The following ZBTB45 variants were observed in gnomAD, a reference collection of about 807,000 sequenced individuals.
ZBTB45 encodes zinc finger and BTB domain containing 45, also known as zinc finger and BTB domain-containing protein 45.
In ZBTB45, 22 loss-of-function variants were observed where a neutral mutation model predicts 28.4. That is an observed-to-expected ratio of 0.77 (90% CI 0.55 to 1.10). ZBTB45 has a LOEUF of 1.10. Among genes scored for constraint, ZBTB45 ranks in the 50% least tolerant of loss-of-function variants. The probability of loss-of-function intolerance (pLI) is 0.00; values close to 1 mark genes in which losing one functional copy is unlikely to be tolerated. For synonymous variants in ZBTB45, 361 were observed against 332.3 expected, an observed-to-expected ratio of 1.09 and a Z score of -0.94; for missense variants, 656 against 750.2, an observed-to-expected ratio of 0.87 and a Z score of 1.47.
chr19:58,520,781 C>T (rs2053570326), upstream of ZBTB45, among the ~76,000 whole-genome samples: 1 of 152,116 alleles, frequency 6.6e-6, no homozygotes, highest in Admixed American at 6.5e-5. Flanking sequence ...CATGGCCCGG[C>T]GCAGTGGCTC....
intron 1 of ZBTB45, among the ~76,000 whole-genome samples, chr19:58,536,964 G>A (rs768076032): frequency 7.9e-5 from 12 of 152,160 alleles, no homozygotes; most frequent in Non-Finnish European, 1.3e-4. Context: ...TGTTGGCAAG[G>A]AGCATGGAGG....
upstream of ZBTB45, among the ~76,000 whole-genome samples, chr19:58,521,213 A>G (rs184987534): frequency 5.9e-3 from 782 of 132,772 alleles, 12 homozygotes; most frequent in African/African-American, 0.021. Flanking sequence ...AAATACAAAA[A>G]AAAATTAGCC....
chr19:58,529,552 T>C (rs2053625663), intron 1 of ZBTB45, among the ~76,000 whole-genome samples: 1 of 152,204 alleles, frequency 6.6e-6, no homozygotes, highest in Admixed American at 6.5e-5. Flanking sequence ...TTCTCCCCTC[T>C]CCTCAGTCCC....
At chr19:58,528,943 G>T (rs1190361209) in intron 1 of ZBTB45, among the ~76,000 whole-genome samples, 2 of 151,762 alleles carry the variant, frequency 1.3e-5, no homozygotes, top group African/African-American at 4.8e-5. Flanking sequence ...AATTAGCCAG[G>T]TGTGGTGGCG....
chr19:58,519,936 C>T (rs1486243276), upstream of ZBTB45: 1 of 152,310 alleles, frequency 6.6e-6, no homozygotes, highest in Non-Finnish European at 1.5e-5. Flanking sequence ...TCCGGCTCTC[C>T]TCTTAGTCGG....
intron 1 of ZBTB45, among the ~76,000 whole-genome samples, chr19:58,529,084 C>CAAAAAAAAA (rs1231496438): frequency 1.5e-4 from 9 of 61,444 alleles, no homozygotes; most frequent in Non-Finnish European, 2.0e-4. Context: ...AACTCCATCT[C>CAAAAAAAAA]AAAAAAAAAA....
intron 1 of ZBTB45, among the ~76,000 whole-genome samples, chr19:58,532,002 TG>T (rs1415417838): frequency 6.6e-6 from 1 of 152,112 alleles, no homozygotes; most frequent in African/African-American, 2.4e-5. Flanking sequence ...GATGAGACTC[TG>T]GGCTCTGAGT....
chr19:58,529,084 C>CAA (rs1231496438), intron 1 of ZBTB45, among the ~76,000 whole-genome samples: 2 of 61,408 alleles, frequency 3.3e-5, no homozygotes, highest in South Asian at 5.5e-4. Flanking sequence ...AACTCCATCT[C>CAA]AAAAAAAAAA....
At chr19:58,533,409 G>A (rs918922824) in intron 1 of ZBTB45, among the ~76,000 whole-genome samples, 1 of 152,168 alleles carries the variant, frequency 6.6e-6, no homozygotes, top group Non-Finnish European at 1.5e-5. Context: ...ATGCATAGAA[G>A]ACAAGGCAAT....
At chr19:58,532,734 G>T (rs1476190172) in intron 1 of ZBTB45, among the ~76,000 whole-genome samples, 1 of 151,990 alleles carries the variant, frequency 6.6e-6, no homozygotes, top group Non-Finnish European at 1.5e-5. Flanking sequence ...TTTTACTAGA[G>T]ACAAGGTTTC....
At chr19:58,524,637 A>G (rs2122583803), upstream of ZBTB45, among the ~76,000 whole-genome samples, 1 of 152,130 alleles carries the variant, frequency 6.6e-6, no homozygotes, top group Non-Finnish European at 1.5e-5. Context: ...TAATCCCAGC[A>G]CTTTGGGAGG....
upstream of ZBTB45, among the ~76,000 whole-genome samples, chr19:58,523,255 C>T (rs1037744583): frequency 2.2e-4 from 33 of 151,978 alleles, no homozygotes; most frequent in African/African-American, 7.3e-5. Flanking sequence ...CAAGGCTGGG[C>T]GTGGTGGCGT....
chr19:58,517,826 G>C (rs1417953921), intron 1 of ZBTB45, among the ~76,000 whole-genome samples, 153 bp from the exon 2 acceptor site: 1 of 151,530 alleles, frequency 6.6e-6, no homozygotes, highest in Non-Finnish European at 1.5e-5. Flanking sequence ...GCCCTTCACA[G>C]TCCCCATTCC....
upstream of ZBTB45, among the ~76,000 whole-genome samples, chr19:58,523,212 GTTA>G (rs933602075): frequency 1.3e-5 from 2 of 152,072 alleles, no homozygotes; most frequent in African/African-American, 4.8e-5. Context: ...AGCCTCAAGG[GTTA>G]TTTTCCTTTT....
intron 1 of ZBTB45, among the ~76,000 whole-genome samples, chr19:58,532,075 C>A (rs951561641): frequency 1.3e-4 from 20 of 152,014 alleles, no homozygotes; most frequent in African/African-American, 4.8e-4. Context: ...GGGAAGGCAG[C>A]AAACAGAAGG....
chr19:58,513,911 G>A lies in ZBTB45; in HGVS notation c.*143C>T, dbSNP rs2122543594. The A allele has an allele frequency of 1.9e-6, 2 of 1,052,412 alleles. No homozygotes were observed. Among genetic ancestry groups the A allele is most frequent in the South Asian group, 4.7e-5 (2 of 42,310 alleles). 65.2% of individuals were successfully genotyped at this position (1,052,412 alleles called of 1,614,324 possible). ...GTAAGGCGGACTTAGGCCCTGGTAT[G>A]GAGAAAGGGTGAAGGGAGAGAGAGG... is the stretch of plus-strand genomic sequence containing the variant. On this transcript the variant is annotated 3_prime_UTR_variant, in exon 3 of 3. Coordinates refer to ENST00000594051, the MANE Select transcript of ZBTB45 (RefSeq NM_001316979.2).
upstream of ZBTB45, among the ~76,000 whole-genome samples, chr19:58,521,366 C>CAAAAAA (rs1180915172): frequency 2.1e-5 from 2 of 93,816 alleles, no homozygotes; most frequent in Admixed American, 1.2e-4. Flanking sequence ...CACTCAGTCT[C>CAAAAAA]AAAAAAAAAA....
At chr19:58,519,996 C>T (rs2053564865), upstream of ZBTB45, 1 of 152,292 alleles carries the variant, frequency 6.6e-6, no homozygotes, top group South Asian at 2.1e-4. Flanking sequence ...AATGTCTGGA[C>T]CAGAGCACTC....
intron 1 of ZBTB45, among the ~76,000 whole-genome samples, chr19:58,534,680 C>T (rs970452707): frequency 1.3e-5 from 2 of 151,942 alleles, no homozygotes; most frequent in South Asian, 2.1e-4. Flanking sequence ...CCTCAGCCTC[C>T]CGAGTACCTG....
Sources: allele counts gnomAD v4.1 joint callset (sites outside exome capture counted in the v4.1 genomes callset), GRCh38; gene constraint gnomAD v4.1.1; transcripts MANE v1.5; gene names NCBI Gene and HGNC (gene_info 2026-07-23, HGNC 2026-07-21).